The following LRRC4B variants were observed in gnomAD, a reference collection of about 807,000 sequenced individuals.
The protein encoded by LRRC4B is leucine-rich repeat-containing protein 4B.
A neutral mutation model predicts 7.3 loss-of-function variants in LRRC4B; 1 was observed. The observed-to-expected ratio is 0.14, with a 90% confidence interval of 0.05 to 0.65. LRRC4B has a LOEUF of 0.65. Among genes scored for constraint, LRRC4B ranks in the 30% least tolerant of loss-of-function variants. The probability of loss-of-function intolerance (pLI) is 0.84; values close to 1 mark genes in which losing one functional copy is unlikely to be tolerated. For synonymous variants in LRRC4B, 500 were observed against 499.2 expected, an observed-to-expected ratio of 1.00 and a Z score of -0.02; for missense variants, 730 against 1,041.6, an observed-to-expected ratio of 0.70 and a Z score of 4.12.
At chr19:50,524,949 C>T (rs999469184) in intron 2 of LRRC4B, among the ~76,000 whole-genome samples, 9 of 152,268 alleles carry the variant, frequency 5.9e-5, no homozygotes, top group Admixed American at 3.3e-4. Context: ...GGACTGTGAT[C>T]GCCCCGTTTT....
At chr19:50,546,187 T>G (rs1450009903) in intron 2 of LRRC4B, among the ~76,000 whole-genome samples, 1 of 151,932 alleles carries the variant, frequency 6.6e-6, no homozygotes, top group Non-Finnish European at 1.5e-5. Flanking sequence ...ATATAAAAAT[T>G]TGCTGAGCGT....
At chr19:50,557,117 CGG>C (rs1421590903) in intron 1 of LRRC4B, among the ~76,000 whole-genome samples, 1 of 151,866 alleles carries the variant, frequency 6.6e-6, no homozygotes, top group Non-Finnish European at 1.5e-5. Flanking sequence ...GCTGGAGCCA[CGG>C]GGATGGAGAG....
At chr19:50,531,814 T>C (rs1377598734) in intron 2 of LRRC4B, among the ~76,000 whole-genome samples, 1 of 152,212 alleles carries the variant, frequency 6.6e-6, no homozygotes, top group Admixed American at 6.5e-5. Context: ...ATGGGGTTAC[T>C]GTGATGCTTG....
At position 50,518,090 on chromosome 19, in the gene LRRC4B, G is replaced by C; in HGVS notation, c.1623C>G (p.Pro541=). 1 of 1,596,272 alleles carries C rather than the reference G, an allele frequency of 6.3e-7. No individual in the cohort carries two copies. The highest frequency in any genetic ancestry group is 1.1e-5 in the South Asian group (1 of 89,430). The change falls in exon 3 of 3, where the codon CCC becomes CCG. Residue 541 remains proline, a synonymous_variant. Transcript: ENST00000652263. Reference sequence around the variant, plus strand: ...CCGTGGGCCGCGAGGAGCGCGGGGCGGGTGCCGTGGTAGAAGACGAGGCAG... The same window carrying C: ...CCGTGGGCCGCGAGGAGCGCGGGGCCGGTGCCGTGGTAGAAGACGAGGCAG... ...AGPASSSTTA[P]APRSSRPTEK...
At chr19:50,561,077 T>C (rs868752928) in intron 1 of LRRC4B, among the ~76,000 whole-genome samples, 13 of 151,832 alleles carry the variant, frequency 8.6e-5, no homozygotes, top group Middle Eastern at 3.4e-3. Context: ...GGTGACAGAG[T>C]GAGACTCCGT....
At chr19:50,557,379 C>T (rs1182311908) in intron 1 of LRRC4B, among the ~76,000 whole-genome samples, 1 of 152,202 alleles carries the variant, frequency 6.6e-6, no homozygotes, top group East Asian at 1.9e-4. Flanking sequence ...CACAGGGCAG[C>T]AGGGGAGCTG....
chr19:50,547,810 C>T (rs983144126), intron 2 of LRRC4B, among the ~76,000 whole-genome samples: 3 of 151,696 alleles, frequency 2.0e-5, no homozygotes, highest in Admixed American at 6.6e-5. Flanking sequence ...CCCAAGCCCT[C>T]GCTTACGGCC....
chr19:50,544,080 G>A (rs187099171), intron 2 of LRRC4B, among the ~76,000 whole-genome samples: 83 of 151,826 alleles, frequency 5.5e-4, no homozygotes, highest in East Asian at 3.7e-3. Context: ...GGTGGTGTGC[G>A]CCTGTAATCC....
rs1034781693 is a variant in LRRC4B at position 50,519,614 on chromosome 19, C to T, written c.298-199G>A. ...AGTCAAGGCTGGGTGTGGTGGCTCACGCCTGTAATCTCAGCACTTTGGGAG... is the reference window on the plus strand; with the variant it reads ...AGTCAAGGCTGGGTGTGGTGGCTCATGCCTGTAATCTCAGCACTTTGGGAG... On this transcript the variant is annotated intron_variant, in intron 2 of 2. Transcript: ENST00000652263. This position sits in a 1 kb window ranked among gnomAD's most constrained non-coding sequence, Gnocchi z 8.1. Among the ~76,000 whole-genome samples the T allele has an allele frequency of 6.6e-6, 1 of 152,094 alleles. No homozygotes were observed.
At chr19:50,542,551 A>G (rs1205708837) in intron 2 of LRRC4B, among the ~76,000 whole-genome samples, 1 of 140,822 alleles carries the variant, frequency 7.1e-6, no homozygotes, top group Non-Finnish European at 1.5e-5. Flanking sequence ...ATCTCAGCTC[A>G]CTGCAGACTC....
chr19:50,551,776 G>A (rs191501422), intron 1 of LRRC4B, among the ~76,000 whole-genome samples: 306 of 151,076 alleles, frequency 2.0e-3, no homozygotes, highest in Non-Finnish European at 3.5e-3. Flanking sequence ...CTTTCTCCCC[G>A]GCTCTGTCTG....
chr19:50,522,985 C>T (rs2122779818), intron 2 of LRRC4B, among the ~76,000 whole-genome samples: 1 of 152,318 alleles, frequency 6.6e-6, no homozygotes, highest in East Asian at 1.9e-4. Flanking sequence ...AGTGACTTGC[C>T]CAAGGTCACA....
At position 50,548,398 on chromosome 19, in the gene LRRC4B, T is replaced by C. The variant is rs1209842177; in HGVS notation, c.297+144A>G. ...ACCTCGGGAGCCCGGCTCCAGCTGA[T>C]AGGATGCAGACCCGCAGGCCACATC... is the stretch of plus-strand genomic sequence containing the variant. On this transcript the variant is annotated intron_variant, in intron 2 of 2. Coordinates refer to ENST00000652263, the MANE Select transcript of LRRC4B (RefSeq NM_001080457.2). This position sits in a 1 kb window ranked among gnomAD's most constrained non-coding sequence, Gnocchi z 6.8. 6.0e-6 allele frequency: 7 copies of C among 1,164,128 alleles called. No individual in the cohort carries two copies. Among genetic ancestry groups the C allele is most frequent in the African/African-American group, 1.5e-5 (1 of 65,544 alleles). 72.1% of individuals were successfully genotyped at this position (1,164,128 alleles called of 1,614,324 possible).
In LRRC4B at chr19:50,518,618, G is replaced by A; in HGVS notation, c.1095C>T (p.Val365=). 6.2e-7 allele frequency: 1 copy of A among 1,604,290 alleles called. No homozygotes were observed. Among genetic ancestry groups the A allele is most frequent in the Non-Finnish European group, 8.5e-7 (1 of 1,173,346 alleles). The change falls in exon 3 of 3, where the codon GTC becomes GTT. Residue 365 remains valine (V), a synonymous_variant. Coordinates refer to ENST00000652263, the MANE Select transcript of LRRC4B (RefSeq NM_001080457.2). The part of the protein sequence containing the change: ...DQSHFTCYAP[V]IVEPPTDLNV... ...TGAGGTCCGTGGGCGGCTCCACGAT[G>A]ACGGGCGCATAGCAGGTGAAATGCG...
At chr19:50,566,813 G>A (rs1166015861) in intron 1 of LRRC4B, among the ~76,000 whole-genome samples, 1 of 151,438 alleles carries the variant, frequency 6.6e-6, no homozygotes, top group Non-Finnish European at 1.5e-5. Context: ...ACGATGGAGG[G>A]GGTCTCTGGG....
In LRRC4B at chr19:50,550,403, C is replaced by T. The variant is rs1455820888; in HGVS notation, c.-35-1530G>A. The stretch of plus-strand genomic sequence containing the variant: ...GGGCAGGTCACACAAACACGCACAC[C>T]GACCCACTCACACACTCAGCAGTGA... On this transcript the variant is annotated intron_variant, in intron 1 of 2. Coordinates refer to ENST00000652263, the MANE Select transcript of LRRC4B (RefSeq NM_001080457.2). 2.6e-5 allele frequency among the ~76,000 whole-genome samples: 4 copies of T among 151,684 alleles called. No homozygotes were observed. The South Asian group carries it at 6.3e-4, about 24-fold the overall frequency.
chr19:50,565,389 C>T (rs1036879192), intron 1 of LRRC4B, among the ~76,000 whole-genome samples: 1 of 152,242 alleles, frequency 6.6e-6, no homozygotes, highest in African/African-American at 2.4e-5. Context: ...CTCTGTGTGA[C>T]ACACGACTAC....
chr19:50,547,917 CCT>C (rs1274498588), intron 2 of LRRC4B, among the ~76,000 whole-genome samples: 3 of 151,996 alleles, frequency 2.0e-5, no homozygotes, highest in Non-Finnish European at 4.4e-5. Flanking sequence ...GCGTTCTCAG[CCT>C]CTCTGCTCTC....
chr19:50,523,698 C>T (rs1183511442), intron 2 of LRRC4B, among the ~76,000 whole-genome samples: 1 of 151,804 alleles, frequency 6.6e-6, no homozygotes, highest in African/African-American at 2.4e-5. Flanking sequence ...GTGGCTCATG[C>T]CTGTAATCCT....
Sources: allele counts gnomAD v4.1 joint callset (sites outside exome capture counted in the v4.1 genomes callset), GRCh38; gene constraint gnomAD v4.1.1; non-coding constraint Gnocchi (gnomAD v3.1); transcripts MANE v1.5; gene names NCBI Gene and HGNC (gene_info 2026-07-23, HGNC 2026-07-21).